PLEKHA5: variants seen among roughly 807,000 people sequenced by gnomAD.
PLEKHA5 encodes pleckstrin homology domain containing A5.
Under a neutral mutation model 181.9 loss-of-function variants are expected in PLEKHA5, and 55 were observed. The ratio of observed to expected loss-of-function variants is 0.30; its 90% CI spans 0.24 to 0.38. The LOEUF (loss-of-function observed/expected upper bound fraction) is 0.38, where lower values mean the gene tolerates loss of function less well. Among genes scored for constraint, PLEKHA5 ranks in the 10% least tolerant of loss-of-function variants. The pLI is 1.00. For synonymous variants in PLEKHA5, 535 were observed against 529.4 expected (o/e 1.01, Z -0.15); for missense variants, 1,432 against 1,549.5 (o/e 0.92, Z 1.27).
chr12:19,227,686 G>A (rs1172416396), intron 3 of PLEKHA5, among the ~76,000 whole-genome samples: 2 of 152,136 alleles, frequency 1.3e-5, no homozygotes, highest in Non-Finnish European at 2.9e-5. Flanking sequence ...TAGTTGCAAG[G>A]GAAGCCAGGA....
chr12:19,294,253 A>G (rs1482359746), intron 15 of PLEKHA5, among the ~76,000 whole-genome samples: 1 of 152,126 alleles, frequency 6.6e-6, no homozygotes, highest in Non-Finnish European at 1.5e-5. Flanking sequence ...TTAAAAATTT[A>G]TGATTTAGAT....
intron 30 of PLEKHA5, among the ~76,000 whole-genome samples, chr12:19,367,139 A>G (rs960903296): frequency 3.3e-5 from 5 of 149,688 alleles, no homozygotes; most frequent in Admixed American, 6.7e-5. Context: ...GCGCGCCTCA[A>G]CCTCCCAAAG....
chr12:19,271,936 G>C (rs965225828), intron 10 of PLEKHA5, among the ~76,000 whole-genome samples: 3 of 152,122 alleles, frequency 2.0e-5, no homozygotes, highest in African/African-American at 7.2e-5. Context: ...ATTAGATTTA[G>C]TCATTCAAAG....
chr12:19,316,137 C>T (rs2088584931), intron 16 of PLEKHA5, among the ~76,000 whole-genome samples: 1 of 150,576 alleles, frequency 6.6e-6, no homozygotes. Context: ...AAACTGATAC[C>T]TTCTGCAGTG....
intron 28 of PLEKHA5, among the ~76,000 whole-genome samples, chr12:19,360,359 C>T (rs2095173726): frequency 6.6e-6 from 1 of 151,654 alleles, no homozygotes; most frequent in Admixed American, 6.6e-5. Flanking sequence ...GTAATCCCAG[C>T]ACTTTGGAGG....
At chr12:19,213,336 G>T (rs936921127) in intron 3 of PLEKHA5, among the ~76,000 whole-genome samples, 1 of 152,164 alleles carries the variant, frequency 6.6e-6, no homozygotes. Flanking sequence ...AGAAAAGCAG[G>T]GATGTGTGGC....
At chr12:19,320,244 G>GT (rs1024795929) in intron 17 of PLEKHA5, among the ~76,000 whole-genome samples, 188 bp downstream of exon 17, 9 of 151,882 alleles carry the variant, frequency 5.9e-5, no homozygotes, top group African/African-American at 1.9e-4. Flanking sequence ...GTATTTGTCA[G>GT]TTTTTTTATT....
chr12:19,372,970 G>A (rs2095621808), intron 31 of PLEKHA5: 1 of 152,048 alleles, frequency 6.6e-6, no homozygotes. Context: ...GTTTCACCGT[G>A]TTGCCCAGGC....
At chr12:19,306,595 C>T (rs1348780213) in intron 15 of PLEKHA5, 9 of 844,046 alleles carry the variant, frequency 1.1e-5, no homozygotes, top group African/African-American at 3.4e-5. Flanking sequence ...GCCCTAGCGG[C>T]GGGCCCAGTA....
chr12:19,354,876 G>T (rs1210429314), intron 26 of PLEKHA5, among the ~76,000 whole-genome samples: 3 of 152,162 alleles, frequency 2.0e-5, no homozygotes, highest in Non-Finnish European at 4.4e-5. Context: ...TGGGGTCATA[G>T]TCGTAGTCCA....
intron 3 of PLEKHA5, among the ~76,000 whole-genome samples, chr12:19,188,859 G>A (rs936002624): frequency 1.3e-5 from 2 of 152,004 alleles, no homozygotes; most frequent in African/African-American, 4.8e-5. Context: ...ATGGTAAATG[G>A]GATTCGATGT....
chr12:19,213,071 A>T (rs1053790984), intron 3 of PLEKHA5, among the ~76,000 whole-genome samples: 51 of 152,224 alleles, frequency 3.4e-4, no homozygotes, highest in African/African-American at 1.2e-3. Flanking sequence ...CAAACATGAG[A>T]TTATTTACAC....
At chr12:19,186,640 G>T (rs566068694) in intron 3 of PLEKHA5, among the ~76,000 whole-genome samples, 1 of 152,064 alleles carries the variant, frequency 6.6e-6, no homozygotes, top group Admixed American at 6.5e-5. Flanking sequence ...ATTCCCTCTG[G>T]TCATGTTTTT....
At chr12:19,136,362 T>C (rs565129224) in intron 3 of PLEKHA5, among the ~76,000 whole-genome samples, 1 of 152,356 alleles carries the variant, frequency 6.6e-6, no homozygotes, top group Non-Finnish European at 1.5e-5. Context: ...ATTTATGCTG[T>C]TATCTTTATG....
chr12:19,166,878 TTTAAA>T (rs1314552548), intron 3 of PLEKHA5, among the ~76,000 whole-genome samples: 5 of 152,348 alleles, frequency 3.3e-5, no homozygotes, highest in Admixed American at 2.6e-4. Context: ...CTTATATTTG[TTTAAA>T]TTAAGTTATC....
Position 19,336,611 on chromosome 12 carries a change from G to A in PLEKHA5, c.2545G>A (p.Val849Ile). 6.5e-7 allele frequency: 1 copy of A among 1,546,672 alleles called. No homozygotes were observed. Among genetic ancestry groups the A allele is most frequent in the African/African-American group, 1.4e-5 (1 of 73,702 alleles). The stretch of plus-strand genomic sequence containing the variant: ...AGAGCAGCTGGATCACCTTGGTGAA[G>A]TTCAGGTACAAAAGTATAATATTCT... ...MQEQLDHLGEVQTESAGIQRA... is the reference protein window; with the variant it reads ...MQEQLDHLGEIQTESAGIQRA... The change falls in exon 21 of 32, where the codon GTT becomes ATT. Residue 849 changes from valine (V) to isoleucine (I), a missense_variant. Physicochemically the swap from Val to Ile is conservative, Grantham distance 29. Around this residue, in one of 2 missense-constraint regions of PLEKHA5, gnomAD observed 1,143 missense variants for 1,168.4 expected, o/e 0.98. Transcript: ENST00000429027.
At chr12:19,207,996 A>G (rs1365453677) in intron 3 of PLEKHA5, among the ~76,000 whole-genome samples, 1 of 152,218 alleles carries the variant, frequency 6.6e-6, no homozygotes, top group African/African-American at 2.4e-5. Flanking sequence ...ATAAAATAGT[A>G]ACCAAGTAAA....
At chr12:19,234,772 G>A (rs147624438) in intron 3 of PLEKHA5, among the ~76,000 whole-genome samples, 35 of 152,292 alleles carry the variant, frequency 2.3e-4, no homozygotes, top group African/African-American at 8.2e-4. Flanking sequence ...TTTTAGAGGT[G>A]TTTTGTTACA....
chr12:19,340,956 AAAAAAAGAAAG>A (rs1425271549), intron 21 of PLEKHA5, among the ~76,000 whole-genome samples: 1 of 114,158 alleles, frequency 8.8e-6, no homozygotes, highest in Non-Finnish European at 1.9e-5. Flanking sequence ...AAAAAAAAAA[AAAAAAAGAAAG>A]AAAAGAAAAA....
Sources: gnomAD v4.1 joint callset for allele counts (sites outside exome capture counted in the v4.1 genomes callset) on GRCh38, gnomAD v4.1.1 for gene constraint, gnomAD v4.1.1 regional missense constraint, MANE v1.5 for transcripts, NCBI Gene and HGNC (gene_info 2026-07-23, HGNC 2026-07-21) for gene names.